The following CTDP1 variants were observed in gnomAD, a reference collection of about 807,000 sequenced individuals.
The protein encoded by CTDP1 is RNA polymerase II subunit A C-terminal domain phosphatase.
A neutral mutation model predicts 91.8 loss-of-function variants in CTDP1; 47 were observed. The ratio of observed to expected loss-of-function variants is 0.51; its 90% CI spans 0.41 to 0.65. CTDP1 has a LOEUF of 0.65. Among genes scored for constraint, CTDP1 ranks in the 30% least tolerant of loss-of-function variants. The pLI is 0.00. For synonymous variants in CTDP1, 656 were observed against 598.5 expected, an observed-to-expected ratio of 1.10 and a Z score of -1.40; for missense variants, 1,272 against 1,373.7, an observed-to-expected ratio of 0.93 and a Z score of 1.17.
At chr18:79,719,370 T>G (rs1568200559) in intron 10 of CTDP1, among the ~76,000 whole-genome samples, 1 of 150,704 alleles carries the variant, frequency 6.6e-6, no homozygotes. Context: ...TGGCTTCCCG[T>G]GCGGCAGCCT....
intron 12 of CTDP1, among the ~76,000 whole-genome samples, chr18:79,741,321 G>A (rs1164785739): frequency 6.6e-6 from 1 of 152,216 alleles, no homozygotes; most frequent in Non-Finnish European, 1.5e-5. Flanking sequence ...GTGGCCGGAG[G>A]TGAATCATCA....
At chr18:79,741,392 G>T (rs972262817) in intron 12 of CTDP1, among the ~76,000 whole-genome samples, 1 of 152,208 alleles carries the variant, frequency 6.6e-6, no homozygotes, top group African/African-American at 2.4e-5. Flanking sequence ...CCTAGAGTTC[G>T]CGGAGAAGTG....
intron 5 of CTDP1, among the ~76,000 whole-genome samples, chr18:79,709,043 T>C (rs1008027865): frequency 6.6e-6 from 1 of 152,272 alleles, no homozygotes; most frequent in African/African-American, 2.4e-5. Flanking sequence ...GATGAGTAGC[T>C]GAAACATTTC....
At chr18:79,715,594 G>C in intron 8 of CTDP1, 66 bp downstream of exon 8, 1 of 1,433,402 alleles carries the variant, frequency 7.0e-7, no homozygotes, top group Non-Finnish European at 9.4e-7. Context: ...GCACTCCTTA[G>C]AGTTGGCATT....
At chr18:79,693,705 CGT>C (rs1039436613) in intron 1 of CTDP1, among the ~76,000 whole-genome samples, 4 of 152,158 alleles carry the variant, frequency 2.6e-5, no homozygotes, top group Non-Finnish European at 5.9e-5. Context: ...AGCCCCGCAC[CGT>C]GTGTCCTCAG....
chr18:79,723,668 G>C (rs2086390951), intron 10 of CTDP1, among the ~76,000 whole-genome samples: 1 of 152,136 alleles, frequency 6.6e-6, no homozygotes, highest in Non-Finnish European at 1.5e-5. Context: ...TTTCCCCTGT[G>C]GTTGCCTCTT....
chr18:79,697,775 A>C, intron 3 of CTDP1, 85 bp from the exon 4 acceptor site: 1 of 1,578,358 alleles, frequency 6.3e-7, no homozygotes, highest in Non-Finnish European at 8.7e-7. Flanking sequence ...ACATTGATAT[A>C]GTTTTGTGTT....
Position 79,707,927 on chromosome 18 carries a change from G to A in CTDP1, c.773-2419G>A, listed in dbSNP as rs551374934. 9.2e-5 allele frequency among the ~76,000 whole-genome samples: 14 copies of A among 152,340 alleles called. No individual in the cohort carries two copies. In the South Asian group the frequency reaches 1.0e-3, roughly 11 times the overall value. ...TAGGACAGAGATGTTAAGAGTTTGC[G>A]ATGCGTGTCTTTTATCTGATAGTAG... is the stretch of plus-strand genomic sequence containing the variant. On this transcript the variant is annotated intron_variant, in intron 5 of 12. Transcript: ENST00000613122.
At chr18:79,685,045 CT>C (rs2085462268) in intron 1 of CTDP1, among the ~76,000 whole-genome samples, 1 of 151,648 alleles carries the variant, frequency 6.6e-6, no homozygotes, top group African/African-American at 2.4e-5. Flanking sequence ...CCCAGTTTCT[CT>C]GCGGTGCTCC....
chr18:79,736,795 G>A (rs868111712), intron 12 of CTDP1, among the ~76,000 whole-genome samples: 20 of 151,868 alleles, frequency 1.3e-4, no homozygotes, highest in Middle Eastern at 6.8e-3. Flanking sequence ...GTGTCTACAC[G>A]TGCACAGGCG....
chr18:79,728,589 C>T (rs907757356), intron 10 of CTDP1, among the ~76,000 whole-genome samples: 3 of 152,218 alleles, frequency 2.0e-5, no homozygotes, highest in African/African-American at 7.2e-5. Context: ...TCCCGTCTCT[C>T]TTTGCCCTTT....
chr18:79,690,565 G>A (rs1022970108), intron 1 of CTDP1, among the ~76,000 whole-genome samples: 2 of 152,176 alleles, frequency 1.3e-5, no homozygotes, highest in Non-Finnish European at 2.9e-5. Flanking sequence ...GAGCGTTCAG[G>A]GCTTTTCACC....
chr18:79,693,983 C>T lies in CTDP1; in HGVS notation c.315-1242C>T, dbSNP rs900313852. Among the ~76,000 whole-genome samples, 3 of 152,224 alleles carry T rather than the reference C, an allele frequency of 2.0e-5. No homozygotes were observed. In the East Asian group the frequency reaches 5.8e-4, roughly 29 times the overall value. On this transcript the variant is annotated intron_variant, in intron 1 of 12. Coordinates refer to ENST00000613122, the MANE Select transcript of CTDP1 (RefSeq NM_004715.5). ...ACAGTGGGCATGGAGGATGTGGCTC[C>T]GCCTTGTTTCCGCCTGTGGCCTGAT...
intron 12 of CTDP1, among the ~76,000 whole-genome samples, chr18:79,751,012 A>G (rs56209120): frequency 0.85 from 85,371 of 100,258 alleles, 38,208 homozygotes; most frequent in Non-Finnish European, 0.96. Context: ...AGGCTGGGGA[A>G]GGAGGCACTG....
chr18:79,736,133 G>C (rs113429305), intron 11 of CTDP1: 15 of 610,746 alleles, frequency 2.5e-5, no homozygotes, highest in Non-Finnish European at 4.4e-5. Flanking sequence ...CTTTGCCTGC[G>C]AACCGACTGG....
chr18:79,694,149 CGGG>C (rs1568177938), intron 1 of CTDP1, among the ~76,000 whole-genome samples: 34 of 142,526 alleles, frequency 2.4e-4, no homozygotes, highest in African/African-American at 6.5e-4. Flanking sequence ...CCGGCTGGGA[CGGG>C]AGTGTGGGGG....
intron 12 of CTDP1, among the ~76,000 whole-genome samples, chr18:79,745,321 G>A (rs1037189489): frequency 3.7e-5 from 4 of 109,578 alleles, no homozygotes; most frequent in African/African-American, 4.2e-5. Flanking sequence ...CTGTCCCTGC[G>A]TCCCTCCCGT....
At chr18:79,700,140 T>C (rs2085829195) in intron 4 of CTDP1, among the ~76,000 whole-genome samples, 1 of 152,192 alleles carries the variant, frequency 6.6e-6, no homozygotes, top group Non-Finnish European at 1.5e-5. Flanking sequence ...CCCTATTCCC[T>C]GAGACATAAC....
chr18:79,722,323 C>G (rs1040301012), intron 10 of CTDP1, among the ~76,000 whole-genome samples: 7 of 152,176 alleles, frequency 4.6e-5, no homozygotes, highest in African/African-American at 1.7e-4. Flanking sequence ...AGTTCAGTTT[C>G]GAATGGCACG....
Sources: allele counts gnomAD v4.1 joint callset (sites outside exome capture counted in the v4.1 genomes callset), GRCh38; gene constraint gnomAD v4.1.1; transcripts MANE v1.5; gene names NCBI Gene and HGNC (gene_info 2026-07-23, HGNC 2026-07-21).